MTA1: variants seen among roughly 807,000 people sequenced by gnomAD.
MTA1 encodes the protein metastasis-associated protein MTA1.
MTA1 carries 15 observed loss-of-function variants against 97.0 expected under a neutral mutation model. The observed-to-expected ratio is 0.15, with a 90% CI of 0.10 to 0.24. The LOEUF (loss-of-function observed/expected upper bound fraction) is 0.24, where lower values mean the gene tolerates loss of function less well. Ranked by LOEUF, MTA1 falls within the 10% of genes least tolerant of loss-of-function variation. The probability of loss-of-function intolerance (pLI) is 1.00; values close to 1 mark genes in which losing one functional copy is unlikely to be tolerated. For synonymous variants in MTA1, 435 were observed against 417.5 expected (o/e 1.04, Z -0.51); for missense variants, 709 against 1,015.1 (o/e 0.70, Z 4.10).
At chr14:105,431,207 C>G (rs782593312) in intron 1 of MTA1, among the ~76,000 whole-genome samples, 1 of 152,172 alleles carries the variant, frequency 6.6e-6, no homozygotes, top group African/African-American at 2.4e-5. Context: ...GGATTACAGG[C>G]GCCCACCACC....
At chr14:105,469,359 G>C in intron 18 of MTA1, 108 bp from the exon 19 acceptor site, 2 of 1,263,032 alleles carry the variant, frequency 1.6e-6, no homozygotes, top group Non-Finnish European at 2.3e-6. Flanking sequence ...GGCTTGGTTG[G>C]CAGATGGCCC....
At chr14:105,425,486 G>A (rs2081979841) in intron 1 of MTA1, among the ~76,000 whole-genome samples, 1 of 152,132 alleles carries the variant, frequency 6.6e-6, no homozygotes, top group Non-Finnish European at 1.5e-5. Flanking sequence ...ATGTTGCCCA[G>A]GCTGGTCTCG....
In MTA1 at chr14:105,466,444, C is replaced by CCCCCCCA; in HGVS notation, c.1644_1645insCCCCCAC (p.Lys549ProfsTer5). The CCCCCCCA allele has an allele frequency of 6.3e-7, 1 of 1,595,746 alleles. No homozygotes were observed. The highest frequency in any genetic ancestry group is 1.1e-5 in the South Asian group (1 of 89,854). On this transcript the variant is annotated frameshift_variant, in exon 17 of 21. Coordinates refer to ENST00000331320, the MANE Select transcript of MTA1 (RefSeq NM_004689.4). LOFTEE classifies it high-confidence loss of function. ...CCGGCAGAGACCCACCCCCGCCCCCCCAAGCCTGACCCCGTGAAAAGCGTG... is the reference window on the plus strand; with the variant it reads ...CCGGCAGAGACCCACCCCCGCCCCCCCCCCCCACAAGCCTGACCCCGTGAAAAGCGTG...
intron 7 of MTA1, among the ~76,000 whole-genome samples, chr14:105,457,973 G>T (rs2083215113): frequency 6.6e-6 from 1 of 151,546 alleles, no homozygotes; most frequent in Non-Finnish European, 1.5e-5. Context: ...AAATAAAAAG[G>T]CTTGATTTAA....
intron 8 of MTA1, among the ~76,000 whole-genome samples, chr14:105,458,900 G>T (rs1420476992): frequency 6.6e-6 from 1 of 152,214 alleles, no homozygotes; most frequent in Non-Finnish European, 1.5e-5. Flanking sequence ...GCCCTACTCC[G>T]CAGCCTGGGG....
chr14:105,432,309 C>T (rs1237503691), intron 1 of MTA1, among the ~76,000 whole-genome samples: 3 of 152,128 alleles, frequency 2.0e-5, no homozygotes, highest in Non-Finnish European at 2.9e-5. Flanking sequence ...GGCGTGATCT[C>T]GGCTCACCGC....
chr14:105,430,525 G>A (rs889714645), intron 1 of MTA1, among the ~76,000 whole-genome samples: 2 of 152,148 alleles, frequency 1.3e-5, no homozygotes, highest in African/African-American at 2.4e-5. Context: ...TTACCAAAAC[G>A]TGACAGCAAC....
intron 1 of MTA1, among the ~76,000 whole-genome samples, chr14:105,437,433 G>A (rs587646981): frequency 6.6e-6 from 1 of 152,144 alleles, no homozygotes; most frequent in South Asian, 2.1e-4. Flanking sequence ...CCTCAGGGGT[G>A]TGTCCTCACG....
chr14:105,459,543 C>A (rs369363646), intron 8 of MTA1, among the ~76,000 whole-genome samples: 202 of 368 alleles, frequency 0.55, 60 homozygotes, highest in African/African-American at 0.57. Context: ...TGCCTGGGGG[C>A]AGTCCGTGCT....
intron 1 of MTA1, among the ~76,000 whole-genome samples, chr14:105,426,375 C>A (rs1454394385): frequency 8.5e-3 from 881 of 103,816 alleles, no homozygotes; most frequent in African/African-American, 0.012. Context: ...CTTCGTCTCA[C>A]AAAAAAAAAA....
chr14:105,446,695 TG>T (rs1251335171), intron 3 of MTA1, among the ~76,000 whole-genome samples: 1 of 152,190 alleles, frequency 6.6e-6, no homozygotes, highest in Non-Finnish European at 1.5e-5. Context: ...CCCACTGCCT[TG>T]CCCACCGGAC....
At chr14:105,455,393 T>C (rs1376736667) in intron 7 of MTA1, among the ~76,000 whole-genome samples, 1 of 152,036 alleles carries the variant, frequency 6.6e-6, no homozygotes, top group Non-Finnish European at 1.5e-5. Flanking sequence ...TGGTGGGAGG[T>C]CCTGGGGCTC....
chr14:105,447,359 C>G (rs2082752135), intron 3 of MTA1, among the ~76,000 whole-genome samples: 1 of 152,220 alleles, frequency 6.6e-6, no homozygotes, highest in Non-Finnish European at 1.5e-5. Context: ...TCTCTGTCCT[C>G]TGGCACCTGG....
chr14:105,465,094 G>T lies in MTA1; in HGVS notation c.1535G>T (p.Cys512Phe). ...CCTCACACCGTGTGGTACCCCGCAG[G>T]CACGGCGCGGCTGCCCGAAGCCTCC... Reference protein sequence around the residue: ...PINSAAIKAECTARLPEASQS... With the variant: ...PINSAAIKAEFTARLPEASQS... Residue 512 changes from cysteine to phenylalanine, a missense_variant and splice_region_variant, in exon 16 of 21, where the codon TGC becomes TTC. Physicochemically the swap from Cys to Phe is radical, Grantham distance 205. Around this residue, in one of 2 missense-constraint regions of MTA1, gnomAD observed 388 missense variants for 421.6 expected, o/e 0.92. Coordinates refer to ENST00000331320, the MANE Select transcript of MTA1 (RefSeq NM_004689.4). The T allele has an allele frequency of 6.6e-7, 1 of 1,510,252 alleles. No homozygotes were observed. The allele number at this position is 1,510,252 out of a possible 1,614,324, so 93.6% of individuals were successfully genotyped here. A position where few individuals can be genotyped will look rare whatever the true frequency, so the allele number is the denominator to read the frequency against.
chr14:105,420,183 C>T lies in MTA1; in HGVS notation c.28+120C>T, dbSNP rs1482248196. 2.2e-6 allele frequency: 1 copy of T among 454,926 alleles called. No individual in the cohort carries two copies. Among genetic ancestry groups the T allele is most frequent in the East Asian group, 1.5e-4 (1 of 6,876 alleles). 28.2% of individuals were successfully genotyped at this position (454,926 alleles called of 1,614,324 possible). A position where few individuals can be genotyped will look rare whatever the true frequency, so the allele number is the denominator to read the frequency against. ...CCGCGCCCCCCGCCCGCCCTCGCGG[C>T]CCCCGGCTCCTTCCCGAACCGCCCC... is the stretch of plus-strand genomic sequence containing the variant. On this transcript the variant is annotated intron_variant, in intron 1 of 20. Transcript: ENST00000331320. The surrounding 1 kb of genome is among the most constrained non-coding windows in gnomAD (Gnocchi z 5.3).
In MTA1 at chr14:105,470,563, C is replaced by A. The variant is rs188392615; in HGVS notation, c.*348C>A. On this transcript the variant is annotated 3_prime_UTR_variant, in exon 21 of 21. Transcript: ENST00000331320. ...GCCATTTTAAATTTTATTTTTATTA[C>A]TTTTTTTGTAGATGAACTTGAGCTC... 2.1e-5 allele frequency: 5 copies of A among 236,102 alleles called. No individual in the cohort carries two copies. The East Asian group carries it at 4.7e-4, about 22-fold the overall frequency. The allele number at this position is 236,102 out of a possible 1,614,324, so 14.6% of individuals were successfully genotyped here.
chr14:105,441,667 G>A (rs587769276), intron 2 of MTA1, among the ~76,000 whole-genome samples: 25 of 152,270 alleles, frequency 1.6e-4, no homozygotes, highest in South Asian at 4.1e-4. Context: ...GGTGGCGGGC[G>A]CCTGTGATCC....
At chr14:105,436,989 T>C (rs1363924132) in intron 1 of MTA1, among the ~76,000 whole-genome samples, 2 of 152,210 alleles carry the variant, frequency 1.3e-5, no homozygotes, top group East Asian at 3.8e-4. Flanking sequence ...TTCTGCAGGC[T>C]TTTCTGCAGG....
chr14:105,458,164 C>G (rs2083222678), intron 7 of MTA1, 106 bp from the exon 8 acceptor site: 2 of 892,052 alleles, frequency 2.2e-6, no homozygotes, highest in South Asian at 3.0e-5. Flanking sequence ...GGCCCTGCAG[C>G]CCTTCCCCCT....
Sources: gnomAD v4.1 joint callset for allele counts (sites outside exome capture counted in the v4.1 genomes callset) on GRCh38, gnomAD v4.1.1 for gene constraint, gnomAD v4.1.1 regional missense constraint, Gnocchi (gnomAD v3.1) non-coding constraint, MANE v1.5 for transcripts, NCBI Gene and HGNC (gene_info 2026-07-23, HGNC 2026-07-21) for gene names.